Variants in USH2A observed in about 807,000 individuals in gnomAD.
USH2A encodes usherin.
In USH2A, 443 loss-of-function variants were observed where a neutral mutation model predicts 538.9. That is an observed-to-expected ratio of 0.82 (90% CI 0.76 to 0.89). The LOEUF (loss-of-function observed/expected upper bound fraction) is 0.89. USH2A is among the 40% of genes least tolerant of loss of function. USH2A has a pLI of 0.00. For synonymous variants in USH2A, 2,413 were observed against 2,273.5 expected, an observed-to-expected ratio of 1.06 and a Z score of -1.75; for missense variants, 6,633 against 6,324.8, an observed-to-expected ratio of 1.05 and a Z score of -1.65.
chr1:216,336,189 A>T (rs150790800), intron 4 of USH2A, among the ~76,000 whole-genome samples: 32 of 151,646 alleles, frequency 2.1e-4, no homozygotes, highest in African/African-American at 7.5e-4. Flanking sequence ...TAATAGCTAC[A>T]TAGTCAAAGT....
chr1:215,845,804 C>A lies in USH2A; in HGVS notation c.9055+20G>T. 1 of 1,610,924 alleles carries A rather than the reference C, an allele frequency of 6.2e-7. No homozygotes were observed. The highest frequency in any genetic ancestry group is 1.1e-5 in the South Asian group (1 of 90,964). On this transcript the variant is annotated intron_variant, in intron 45 of 71. Transcript: ENST00000307340. ...TCATTCGCATCTCTGAGGCAAATAT[C>A]CTTTAGAATCTGGACTCACCCCCAT...
intron 61 of USH2A, among the ~76,000 whole-genome samples, chr1:215,688,922 G>A (rs1380463528): frequency 6.6e-6 from 1 of 152,058 alleles, no homozygotes; most frequent in Non-Finnish European, 1.5e-5. Context: ...TGAAGGCCAG[G>A]AAGGGGTAAT....
At chr1:216,006,893 T>C (rs1029356062) in intron 32 of USH2A, among the ~76,000 whole-genome samples, 1 of 152,202 alleles carries the variant, frequency 6.6e-6, no homozygotes, top group Non-Finnish European at 1.5e-5. Flanking sequence ...TTAATTTTTA[T>C]CTAAATGCTT....
At chr1:216,143,037 C>T (rs1287653490) in intron 21 of USH2A, among the ~76,000 whole-genome samples, 7 of 152,206 alleles carry the variant, frequency 4.6e-5, no homozygotes, top group South Asian at 4.2e-4. Context: ...AACATTCTCA[C>T]GTCTCTCAGC....
intron 49 of USH2A, among the ~76,000 whole-genome samples, chr1:215,804,529 A>G (rs1483214495): frequency 2.0e-5 from 3 of 148,770 alleles, no homozygotes; most frequent in Non-Finnish European, 4.4e-5. Context: ...AGATACATGA[A>G]AAAATGCTCA....
At chr1:216,021,743 A>G (rs1465410833) in intron 32 of USH2A, among the ~76,000 whole-genome samples, 1 of 152,138 alleles carries the variant, frequency 6.6e-6, no homozygotes, top group Non-Finnish European at 1.5e-5. Flanking sequence ...CATCTTTGGT[A>G]TCTCATAAAA....
rs1251737222 is a variant in USH2A at position 215,671,053 on chromosome 1, G to A, written c.14052C>T (p.Ser4684=). 2 of 1,613,994 alleles carry A rather than the reference G, an allele frequency of 1.2e-6. No individual in the cohort carries two copies. Among genetic ancestry groups the A allele is most frequent in the African/African-American group, 2.7e-5 (2 of 74,914 alleles). ...RRQIATQPRK[S]NPVLIYNGSS... is the part of the protein sequence containing the mutation. ...TTCCGTTATAGATTAGGACTGGATT[G>A]GATTTTCTAGGCTGAGTTGCTATTT... Residue 4684 remains serine (S), a synonymous_variant, in exon 64 of 72, where the codon TCC becomes TCT. Coordinates refer to ENST00000307340, the MANE Select transcript of USH2A (RefSeq NM_206933.4).
At chr1:215,648,857 A>G in intron 65 of USH2A, 91 bp from the exon 66 acceptor site, 1 of 1,264,408 alleles carries the variant, frequency 7.9e-7, no homozygotes, top group Non-Finnish European at 1.2e-6. Context: ...CTACAAATGG[A>G]GTACCATGCC....
At chr1:216,376,274 G>A (rs1259929750) in intron 3 of USH2A, among the ~76,000 whole-genome samples, 2 of 152,076 alleles carry the variant, frequency 1.3e-5, no homozygotes, top group Non-Finnish European at 2.9e-5. Context: ...AGAACAAGGT[G>A]AGCTAGCAAC....
chr1:215,896,377 T>C (rs1469615056), intron 40 of USH2A, among the ~76,000 whole-genome samples: 1 of 152,118 alleles, frequency 6.6e-6, no homozygotes, highest in African/African-American at 2.4e-5. Context: ...TAATTGCTTG[T>C]GTATGCCATA....
intron 26 of USH2A, among the ~76,000 whole-genome samples, chr1:216,081,888 C>T (rs2031957489): frequency 1.3e-5 from 2 of 151,816 alleles, no homozygotes; most frequent in South Asian, 2.1e-4. Flanking sequence ...TGAGCCACTG[C>T]ACCCAGCCTT....
At position 216,294,359 on chromosome 1, in the gene USH2A, TTTC is replaced by T. The variant is rs531487321; in HGVS notation, c.1645-1992_1645-1990del. 4.9e-3 allele frequency among the ~76,000 whole-genome samples: 752 copies of T among 152,162 alleles called. 6 individuals are homozygous for T. The highest frequency in any genetic ancestry group is 0.018 in the African/African-American group (733 of 41,564). On this transcript the variant is annotated intron_variant, in intron 9 of 71. Transcript: ENST00000307340. ...TCTTTCAAATTTGTATATGCATATATTTCTTCTTTTCAAAATTATGAATATACA... is the reference window on the plus strand; with the variant it reads ...TCTTTCAAATTTGTATATGCATATATTTCTTTTCAAAATTATGAATATACA...
At chr1:215,952,085 C>G (rs1459643131) in intron 37 of USH2A, among the ~76,000 whole-genome samples, 5 of 151,320 alleles carry the variant, frequency 3.3e-5, no homozygotes, top group Admixed American at 1.3e-4. Flanking sequence ...AGGATGGTCT[C>G]GATCTCCTGA....
intron 44 of USH2A, among the ~76,000 whole-genome samples, chr1:215,851,408 C>T (rs1664011741): frequency 1.3e-5 from 2 of 152,038 alleles, no homozygotes; most frequent in Non-Finnish European, 2.9e-5. Flanking sequence ...TCATTCAAGG[C>T]TACTGTGAAC....
intron 61 of USH2A, among the ~76,000 whole-genome samples, chr1:215,686,380 A>T (rs1339328251): frequency 6.6e-6 from 1 of 152,096 alleles, no homozygotes; most frequent in Non-Finnish European, 1.5e-5. Flanking sequence ...GGAAAGATGT[A>T]GAATTTGAGC....
At chr1:215,830,275 TG>T (rs1663275202) in intron 47 of USH2A, among the ~76,000 whole-genome samples, 1 of 152,158 alleles carries the variant, frequency 6.6e-6, no homozygotes, top group Non-Finnish European at 1.5e-5. Context: ...ATTTTTGTTT[TG>T]TTTTGTCTTC....
At chr1:215,963,659 A>G (rs1318361504) in intron 37 of USH2A, among the ~76,000 whole-genome samples, 1 of 152,124 alleles carries the variant, frequency 6.6e-6, no homozygotes, top group Non-Finnish European at 1.5e-5. Flanking sequence ...ATGGTTAAAA[A>G]GTCACTTTTT....
chr1:215,791,869 T>C (rs1282917957), intron 50 of USH2A, among the ~76,000 whole-genome samples: 1 of 152,146 alleles, frequency 6.6e-6, no homozygotes, highest in African/African-American at 2.4e-5. Context: ...CACAAATACA[T>C]ATAAATATAT....
chr1:216,352,483 G>T (rs371903914), intron 4 of USH2A, among the ~76,000 whole-genome samples: 1 of 152,164 alleles, frequency 6.6e-6, no homozygotes, highest in Admixed American at 6.6e-5. Flanking sequence ...TAGCTTAAGT[G>T]CAGTGGTGAG....
Sources: gnomAD v4.1 joint callset for allele counts (sites outside exome capture counted in the v4.1 genomes callset) on GRCh38, gnomAD v4.1.1 for gene constraint, MANE v1.5 for transcripts, NCBI Gene and HGNC (gene_info 2026-07-23, HGNC 2026-07-21) for gene names.